DDX60: variants seen among roughly 807,000 people sequenced by gnomAD.
DDX60 encodes probable ATP-dependent RNA helicase DDX60.
In DDX60, 165 loss-of-function variants were observed where a neutral mutation model predicts 212.8. That is an observed-to-expected ratio of 0.78 (90% CI 0.68 to 0.88). The LOEUF is 0.88. DDX60 is among the 40% of genes least tolerant of loss of function. DDX60 has a pLI of 0.00. For missense variants in DDX60, 1,905 were observed against 2,003.9 expected, an observed-to-expected ratio of 0.95 and a Z score of 0.94; for synonymous variants, 703 against 685.3, an observed-to-expected ratio of 1.03 and a Z score of -0.40.
intron 6 of DDX60, among the ~76,000 whole-genome samples, chr4:168,295,667 GT>G (rs1352522391): frequency 3.3e-5 from 5 of 152,138 alleles, no homozygotes; most frequent in Non-Finnish European, 5.9e-5. Flanking sequence ...TTCAGCTGAA[GT>G]TTTTCTTTTA....
intron 26 of DDX60, among the ~76,000 whole-genome samples, chr4:168,254,073 A>G (rs1311090798): frequency 1.3e-5 from 2 of 152,236 alleles, no homozygotes; most frequent in Non-Finnish European, 2.9e-5. Context: ...AAAGCTCCAC[A>G]TATTATTGCC....
At chr4:168,273,902 G>T in intron 17 of DDX60, 32 bp downstream of exon 17, 2 of 1,592,066 alleles carry the variant, frequency 1.3e-6, no homozygotes, top group Non-Finnish European at 1.7e-6. Context: ...GTTCAGGAAT[G>T]AAAGAGAATA....
chr4:168,226,101 A>G (rs950670943), intron 33 of DDX60, among the ~76,000 whole-genome samples: 5 of 152,054 alleles, frequency 3.3e-5, no homozygotes, highest in African/African-American at 4.8e-5. Flanking sequence ...CATTTTGCTA[A>G]TATTTAGTTA....
At chr4:168,265,950 A>G (rs1734832413) in intron 22 of DDX60, among the ~76,000 whole-genome samples, 1 of 152,100 alleles carries the variant, frequency 6.6e-6, no homozygotes, top group Non-Finnish European at 1.5e-5. Context: ...GTGGGTTATC[A>G]TCCATATTCT....
rs191657426 is a variant in DDX60 at position 168,283,222 on chromosome 4, G to T, written c.1722+224C>A. On this transcript the variant is annotated intron_variant, in intron 13 of 37. Transcript: ENST00000393743. ...TTTAGTCACTTAATTATTCTTCAAA[G>T]AGATACATATGTTATTATGTATAGA... is the stretch of plus-strand genomic sequence containing the variant. 5.6e-3 allele frequency among the ~76,000 whole-genome samples: 852 copies of T among 152,118 alleles called. 8 individuals carry two copies. Among genetic ancestry groups the T allele is most frequent in the African/African-American group, 0.019 (806 of 41,500 alleles).
upstream of DDX60, among the ~76,000 whole-genome samples, chr4:168,319,778 A>G (rs1737556786): frequency 6.6e-6 from 1 of 152,210 alleles, no homozygotes; most frequent in African/African-American, 2.4e-5. Flanking sequence ...AATCAGCATG[A>G]TAAGAAGCCA....
At chr4:168,239,276 TG>T (rs1369454847) in intron 30 of DDX60, among the ~76,000 whole-genome samples, 1 of 151,844 alleles carries the variant, frequency 6.6e-6, no homozygotes, top group Non-Finnish European at 1.5e-5. Flanking sequence ...GGTAGATAGA[TG>T]ATTGATAGAT....
At chr4:168,291,715 C>A in intron 8 of DDX60, 33 bp downstream of exon 8, 1 of 1,490,766 alleles carries the variant, frequency 6.7e-7, no homozygotes, top group Non-Finnish European at 8.9e-7. Context: ...ATTCAAAACA[C>A]AAAAATAGTA....
At chr4:168,236,658 T>A (rs1226733302) in intron 32 of DDX60, among the ~76,000 whole-genome samples, 1 of 151,860 alleles carries the variant, frequency 6.6e-6, no homozygotes, top group East Asian at 1.9e-4. Flanking sequence ...TTTTAAGAAC[T>A]ACCATATAGA....
intron 30 of DDX60, among the ~76,000 whole-genome samples, chr4:168,243,768 G>A (rs577576721): frequency 6.6e-6 from 1 of 152,092 alleles, no homozygotes; most frequent in African/African-American, 2.4e-5. Context: ...TATGCCTAAA[G>A]AAATATAAAT....
intron 22 of DDX60, among the ~76,000 whole-genome samples, chr4:168,264,307 C>T (rs1734748856): frequency 6.6e-6 from 1 of 152,108 alleles, no homozygotes; most frequent in African/African-American, 2.4e-5. Flanking sequence ...TAAAACAATT[C>T]CTGGAATCAT....
At chr4:168,246,395 T>C (rs773105211) in intron 30 of DDX60, 23 bp downstream of exon 30, 8 of 1,612,984 alleles carry the variant, frequency 5.0e-6, no homozygotes. Context: ...AGACTGAACC[T>C]CAGGCAGTGT....
chr4:168,222,671 A>G (rs184522752), intron 35 of DDX60, among the ~76,000 whole-genome samples: 72 of 152,236 alleles, frequency 4.7e-4, no homozygotes, highest in African/African-American at 1.6e-3. Flanking sequence ...TCCTGCTGAG[A>G]CTTGTTTGGC....
chr4:168,238,895 G>T (rs1733735874), intron 30 of DDX60, among the ~76,000 whole-genome samples: 1 of 152,142 alleles, frequency 6.6e-6, no homozygotes, highest in Non-Finnish European at 1.5e-5. Context: ...ATGAAGATCT[G>T]CTAAACACTG....
chr4:168,313,071 T>G (rs1433112198), intron 1 of DDX60, among the ~76,000 whole-genome samples: 1 of 152,162 alleles, frequency 6.6e-6, no homozygotes, highest in Non-Finnish European at 1.5e-5. Flanking sequence ...CAACCCAGTG[T>G]AAGTTGAAAG....
chr4:168,302,316 T>C lies in DDX60; in HGVS notation c.707A>G (p.Asn236Ser), dbSNP rs1275039313. Residue 236 changes from asparagine to serine, a missense_variant, in exon 6 of 38, where the codon AAT (asparagine) becomes AGT (serine). Coordinates refer to ENST00000393743, the MANE Select transcript of DDX60 (RefSeq NM_017631.6). Reference sequence around the variant, plus strand: ...TTTTGTTACCTCTTCCGTAATATTATTCCATTTTAAACTTCCAAAAAGAGG... The same window carrying C: ...TTTTGTTACCTCTTCCGTAATATTACTCCATTTTAAACTTCCAAAAAGAGG... ...LAPLFGSLKW[N>S]NITEEAHKTV... The C allele has an allele frequency of 1.3e-6, 2 of 1,535,024 alleles. No homozygotes were observed. Among genetic ancestry groups the C allele is most frequent in the South Asian group, 2.4e-5 (2 of 82,022 alleles).
rs1329386216 is a variant in DDX60, at chr4:168,225,688, A to G, written c.4534-12T>C. 5 of 1,606,630 alleles carry G rather than the reference A, an allele frequency of 3.1e-6. No individual in the cohort carries two copies. In the East Asian group the frequency reaches 1.1e-4, roughly 36 times the overall value. On this transcript the variant is annotated splice_polypyrimidine_tract_variant and intron_variant, in intron 33 of 37. Transcript: ENST00000393743. ...TCATCAAGGAACACCTAGAAGCCGA[A>G]TAATTTTCATAGAGATAGATCTATT...
upstream of DDX60, among the ~76,000 whole-genome samples, chr4:168,320,468 T>G (rs948542005): frequency 1.3e-5 from 2 of 152,118 alleles, no homozygotes; most frequent in African/African-American, 4.8e-5. Context: ...AAACATTTTT[T>G]TTTTCTAGAG....
chr4:168,286,089 CAG>C (rs1408788756), intron 10 of DDX60, among the ~76,000 whole-genome samples: 1 of 104,108 alleles, frequency 9.6e-6, no homozygotes, highest in African/African-American at 3.8e-5. Context: ...AGCAAGCACA[CAG>C]GGAGGGAGGG....
Sources: gnomAD v4.1 joint callset for allele counts (sites outside exome capture counted in the v4.1 genomes callset) on GRCh38, gnomAD v4.1.1 for gene constraint, MANE v1.5 for transcripts, NCBI Gene and HGNC (gene_info 2026-07-23, HGNC 2026-07-21) for gene names.